The following ANKS1B variants were observed in gnomAD, a reference collection of about 807,000 sequenced individuals.
ANKS1B encodes the protein ankyrin repeat and sterile alpha motif domain-containing protein 1B.
In ANKS1B, 36 loss-of-function variants were observed where a neutral mutation model predicts 148.3. The observed-to-expected ratio is 0.24, with a 90% CI of 0.19 to 0.32. ANKS1B has a LOEUF of 0.32. ANKS1B is among the 10% of genes least tolerant of loss of function. The pLI is 1.00. For synonymous variants in ANKS1B, 542 were observed against 560.8 expected (o/e 0.97, Z 0.47); for missense variants, 1,157 against 1,542.6 (o/e 0.75, Z 4.19).
At chr12:99,633,199 A>T (rs1468455548) in intron 9 of ANKS1B, among the ~76,000 whole-genome samples, 1 of 151,984 alleles carries the variant, frequency 6.6e-6, no homozygotes, top group Non-Finnish European at 1.5e-5. Flanking sequence ...TGCTATTGTG[A>T]ATAGTGCCGC....
intron 1 of ANKS1B, among the ~76,000 whole-genome samples, chr12:99,947,096 T>C (rs1037917417): frequency 6.6e-6 from 1 of 152,050 alleles, no homozygotes; most frequent in African/African-American, 2.4e-5. Flanking sequence ...GAAAATTAAG[T>C]TGTACTGCTC....
intron 1 of ANKS1B, among the ~76,000 whole-genome samples, chr12:99,936,349 T>C (rs1336721071): frequency 3.9e-5 from 6 of 152,110 alleles, no homozygotes; most frequent in Non-Finnish European, 7.4e-5. Context: ...ACTTGTAAAA[T>C]ACACAGGGAT....
chr12:99,422,925 C>G (rs1046893047), intron 11 of ANKS1B, among the ~76,000 whole-genome samples: 1 of 152,090 alleles, frequency 6.6e-6, no homozygotes, highest in Non-Finnish European at 1.5e-5. Context: ...TTTAGAGAGG[C>G]AGAGGAATGC....
At chr12:98,875,429 C>T (rs2099686139) in intron 17 of ANKS1B, among the ~76,000 whole-genome samples, 1 of 152,146 alleles carries the variant, frequency 6.6e-6, no homozygotes, top group South Asian at 2.1e-4. Context: ...CTCTTTAGCT[C>T]CTTCTCTTTC....
intron 1 of ANKS1B, among the ~76,000 whole-genome samples, chr12:99,948,390 GA>G (rs969978738): frequency 6.3e-5 from 9 of 143,170 alleles, no homozygotes; most frequent in African/African-American, 1.0e-4. Context: ...AAAAAAAAAA[GA>G]AAAAAAAAGG....
chr12:99,313,650 G>A (rs1473158968), intron 12 of ANKS1B, among the ~76,000 whole-genome samples: 1 of 152,134 alleles, frequency 6.6e-6, no homozygotes, highest in Non-Finnish European at 1.5e-5. Flanking sequence ...CACATAAACA[G>A]AACCAATGAC....
intron 15 of ANKS1B, among the ~76,000 whole-genome samples, chr12:99,119,584 G>C (rs1176720901): frequency 6.6e-6 from 1 of 152,156 alleles, no homozygotes; most frequent in Non-Finnish European, 1.5e-5. Flanking sequence ...TGTGGGGGCT[G>C]CTGCTGGTAA....
chr12:98,998,328 T>A (rs968145753), intron 17 of ANKS1B, among the ~76,000 whole-genome samples: 18 of 152,246 alleles, frequency 1.2e-4, no homozygotes, highest in Non-Finnish European at 8.8e-5. Context: ...GGTTTACTTA[T>A]ATATTATTAT....
intron 9 of ANKS1B, among the ~76,000 whole-genome samples, chr12:99,564,340 G>A (rs150046731): frequency 6.9e-4 from 105 of 151,640 alleles, no homozygotes; most frequent in African/African-American, 1.6e-3. Flanking sequence ...TTGTATAGAC[G>A]CATACGTGCT....
chr12:99,596,997 A>C (rs553962680), intron 9 of ANKS1B, among the ~76,000 whole-genome samples: 1 of 152,078 alleles, frequency 6.6e-6, no homozygotes, highest in South Asian at 2.1e-4. Flanking sequence ...TTACTTTTTA[A>C]GAAAACACAA....
At chr12:99,227,482 T>C (rs546777409) in intron 14 of ANKS1B, among the ~76,000 whole-genome samples, 14 of 152,308 alleles carry the variant, frequency 9.2e-5, no homozygotes, top group African/African-American at 3.1e-4. Flanking sequence ...GTGGGATGTT[T>C]ACATTTTAGT....
intron 10 of ANKS1B, among the ~76,000 whole-genome samples, chr12:99,489,223 T>C (rs912826232): frequency 8.0e-4 from 108 of 134,348 alleles, no homozygotes; most frequent in African/African-American, 2.6e-3. Context: ...GCCTGGGTGA[T>C]AGAGCAAGAC....
At chr12:99,016,874 T>C (rs1446643503) in intron 17 of ANKS1B, among the ~76,000 whole-genome samples, 3 of 152,198 alleles carry the variant, frequency 2.0e-5, no homozygotes, top group Admixed American at 2.0e-4. Context: ...GAACTGGGCC[T>C]GCCCCAGGGA....
intron 17 of ANKS1B, among the ~76,000 whole-genome samples, chr12:98,947,580 A>C (rs986733136): frequency 6.6e-6 from 1 of 152,226 alleles, no homozygotes; most frequent in Admixed American, 6.5e-5. Flanking sequence ...GTCCAACCCA[A>C]ACACAGGGTT....
chr12:99,265,912 A>T (rs994674143), intron 12 of ANKS1B, among the ~76,000 whole-genome samples: 4 of 152,152 alleles, frequency 2.6e-5, no homozygotes, highest in Admixed American at 6.5e-5. Context: ...TCTTCAATCC[A>T]CTTCACTTTG....
chr12:99,782,086 C>T lies in ANKS1B; in HGVS notation c.681G>A (p.Gly227=). ...ACAAAGCTGCTTCATGAAGTGCACT[C>T]CCCTTTTCTGTCTGGAAAAAAAAAA... ...GMDVSCQTEK[G]SALHEAALFG... is the part of the protein sequence containing the mutation. Residue 227 remains glycine, a synonymous_variant, in exon 5 of 27, where the codon GGG becomes GGA. Transcript: ENST00000683438. 1.2e-6 allele frequency: 2 copies of T among 1,601,736 alleles called. No individual in the cohort carries two copies. Among genetic ancestry groups the T allele is most frequent in the East Asian group, 2.2e-5 (1 of 44,670 alleles).
At chr12:99,724,945 C>T (rs2058470183) in intron 8 of ANKS1B, among the ~76,000 whole-genome samples, 1 of 152,144 alleles carries the variant, frequency 6.6e-6, no homozygotes, top group Admixed American at 6.5e-5. Flanking sequence ...CCTTTCCAGA[C>T]AAGCAAATAC....
chr12:99,107,532 T>C (rs1049908701), intron 15 of ANKS1B, among the ~76,000 whole-genome samples: 1 of 152,182 alleles, frequency 6.6e-6, no homozygotes, highest in African/African-American at 2.4e-5. Flanking sequence ...TTTGGAACAT[T>C]AGGCCAAAGT....
At chr12:99,706,395 A>G (rs2055777065) in intron 8 of ANKS1B, 2 of 152,080 alleles carry the variant, frequency 1.3e-5, no homozygotes, top group Admixed American at 1.3e-4. Flanking sequence ...TCTAAAACTT[A>G]TATAATCTTG....
Sources: allele counts gnomAD v4.1 joint callset (sites outside exome capture counted in the v4.1 genomes callset), GRCh38; gene constraint gnomAD v4.1.1; transcripts MANE v1.5; gene names NCBI Gene and HGNC (gene_info 2026-07-23, HGNC 2026-07-21).